BLTP3B: variants seen among roughly 807,000 people sequenced by gnomAD.
The protein encoded by BLTP3B is bridge-like lipid transfer protein family member 3B.
chr12:100,037,334 A>G, the BLTP3B span: 2 of 1,029,130 alleles, frequency 1.9e-6, no homozygotes, highest in Non-Finnish European at 2.3e-6. Context: ...AGATATCAAA[A>G]TTAGGAAATG....
chr12:100,102,968 A>C, the BLTP3B span: 29 of 686,712 alleles, frequency 4.2e-5, no homozygotes, highest in Admixed American at 7.5e-5. Flanking sequence ...GAAAGTAAAA[A>C]GTGAGCAGAG....
the BLTP3B span, among the ~76,000 whole-genome samples, chr12:100,077,929 C>A: frequency 6.6e-6 from 1 of 151,884 alleles, no homozygotes; most frequent in Non-Finnish European, 1.5e-5. Context: ...TACTGTAGTT[C>A]CGTAAAGCAA....
At chr12:100,063,930 C>A in the BLTP3B span, among the ~76,000 whole-genome samples, 39 of 151,994 alleles carry the variant, frequency 2.6e-4, no homozygotes, top group Non-Finnish European at 5.3e-4. Flanking sequence ...GGACCCAAAC[C>A]AAGAAGAAAT....
the BLTP3B span, chr12:100,084,397 C>T: frequency 1.0e-6 from 1 of 1,001,052 alleles, no homozygotes; most frequent in Non-Finnish European, 1.4e-6. Flanking sequence ...CACACACACA[C>T]ACACACACAC....
chr12:100,048,197 C>A, the BLTP3B span: 1 of 1,574,266 alleles, frequency 6.4e-7, no homozygotes, highest in South Asian at 1.2e-5. Context: ...TGATCGGAAC[C>A]TAAGGAAAAT....
At chr12:100,108,599 C>T in the BLTP3B span, 3 of 1,473,852 alleles carry the variant, frequency 2.0e-6, no homozygotes, top group South Asian at 3.9e-5. Context: ...TACTATACTC[C>T]AGAGTCATTT....
chr12:100,095,546 G>A, the BLTP3B span: 1 of 1,074,472 alleles, frequency 9.3e-7, no homozygotes, highest in Non-Finnish European at 1.3e-6. Flanking sequence ...TCTAGATAAA[G>A]AAGATTCTTG....
At chr12:100,140,341 T>A in the BLTP3B span, among the ~76,000 whole-genome samples, 2 of 149,594 alleles carry the variant, frequency 1.3e-5, no homozygotes, top group Non-Finnish European at 3.0e-5. Flanking sequence ...CAAAAACTCA[T>A]CTCTGAAAAA....
At chr12:100,085,594 G>A in the BLTP3B span, among the ~76,000 whole-genome samples, 1 of 151,952 alleles carries the variant, frequency 6.6e-6, no homozygotes, top group Non-Finnish European at 1.5e-5. Flanking sequence ...GTTAAAAAAC[G>A]TGTAAACAAA....
At chr12:100,059,853 T>C in the BLTP3B span, 1 of 1,608,034 alleles carries the variant, frequency 6.2e-7, no homozygotes, top group Non-Finnish European at 8.5e-7. Context: ...ATGATACCTT[T>C]AGCATTAAGC....
chr12:100,131,346 A>AAT, the BLTP3B span, among the ~76,000 whole-genome samples: 1 of 151,188 alleles, frequency 6.6e-6, no homozygotes, highest in Admixed American at 6.6e-5. Context: ...AAAGTTTTAA[A>AAT]ATATATATAT....
chr12:100,061,706 G>A, the BLTP3B span, among the ~76,000 whole-genome samples: 1 of 149,902 alleles, frequency 6.7e-6, no homozygotes. Flanking sequence ...TCCAACAGAA[G>A]TCTACTTATA....
chr12:100,127,383 T>C, the BLTP3B span, among the ~76,000 whole-genome samples: 1 of 152,240 alleles, frequency 6.6e-6, no homozygotes, highest in Non-Finnish European at 1.5e-5. Context: ...ACTAGGCCTA[T>C]ACAATTGCTT....
chr12:100,135,869 C>G, the BLTP3B span, among the ~76,000 whole-genome samples: 1 of 152,060 alleles, frequency 6.6e-6, no homozygotes, highest in Non-Finnish European at 1.5e-5. Flanking sequence ...TTTAAATAAG[C>G]AACTAGTACA....
At chr12:100,116,091 G>A in the BLTP3B span, among the ~76,000 whole-genome samples, 6 of 150,384 alleles carry the variant, frequency 4.0e-5, no homozygotes, top group Admixed American at 2.0e-4. Context: ...GGAATCACTC[G>A]AACCCAGGAG....
the BLTP3B span, among the ~76,000 whole-genome samples, chr12:100,067,807 C>T: frequency 6.6e-6 from 1 of 152,112 alleles, no homozygotes; most frequent in South Asian, 2.1e-4. Flanking sequence ...CAAAACACTG[C>T]ATTAATGTTA....
the BLTP3B span, chr12:100,037,577 A>C: frequency 6.3e-7 from 1 of 1,577,540 alleles, no homozygotes; most frequent in Middle Eastern, 1.7e-4. Flanking sequence ...TAACATCCAC[A>C]TTATAAATAT....
the BLTP3B span, chr12:100,058,886 G>A: frequency 5.6e-6 from 9 of 1,613,758 alleles, no homozygotes; most frequent in Non-Finnish European, 6.8e-6. Flanking sequence ...ACGAGGAAGG[G>A]GAAAATCTGA....
At chr12:100,074,295 T>G in the BLTP3B span, among the ~76,000 whole-genome samples, 1 of 152,026 alleles carries the variant, frequency 6.6e-6, no homozygotes, top group Non-Finnish European at 1.5e-5. Flanking sequence ...AACCAAAAGA[T>G]AAAAGATCTC....
Sources: gnomAD v4.1 joint callset for allele counts (sites outside exome capture counted in the v4.1 genomes callset) on GRCh38, gnomAD v4.1.1 for gene constraint, MANE v1.5 for transcripts, NCBI Gene and HGNC (gene_info 2026-07-23, HGNC 2026-07-21) for gene names.